The following NEBL variants were observed in gnomAD, a reference collection of about 807,000 sequenced individuals.
The protein encoded by NEBL is nebulette.
NEBL carries 122 observed loss-of-function variants against 140.2 expected under a neutral mutation model. That is an observed-to-expected ratio of 0.87 (90% confidence interval 0.75 to 1.01). The LOEUF is 1.01. NEBL is among the 50% of genes least tolerant of loss of function. NEBL has a pLI of 0.00. For missense variants in NEBL, 1,365 were observed against 1,231.3 expected, an observed-to-expected ratio of 1.11 and a Z score of -1.62; for synonymous variants, 436 against 398.9, an observed-to-expected ratio of 1.09 and a Z score of -1.11.
chr10:21,048,073 G>A (rs1221365598), intron 2 of NEBL, among the ~76,000 whole-genome samples: 1 of 152,152 alleles, frequency 6.6e-6, no homozygotes, highest in Non-Finnish European at 1.5e-5. Context: ...AAAGTGAGCG[G>A]TTCTCCAAGA....
At chr10:20,908,931 A>C (rs1848213118) in intron 4 of NEBL, among the ~76,000 whole-genome samples, 1 of 152,126 alleles carries the variant, frequency 6.6e-6, no homozygotes, top group African/African-American at 2.4e-5. Flanking sequence ...TTTCAAACTT[A>C]TTTGTGCTAC....
chr10:21,170,510 G>A (rs893898238), intron 2 of NEBL: 1 of 152,178 alleles, frequency 6.6e-6, no homozygotes, highest in Non-Finnish European at 1.5e-5. Context: ...TCTTTAACCA[G>A]TCATTTATGG....
chr10:20,849,936 TAA>T (rs1206083072), intron 11 of NEBL, among the ~76,000 whole-genome samples: 2 of 152,006 alleles, frequency 1.3e-5, no homozygotes, highest in Non-Finnish European at 2.9e-5. Context: ...CTGACATATA[TAA>T]GACTCTTAGC....
intron 3 of NEBL, among the ~76,000 whole-genome samples, chr10:21,206,615 A>C (rs151222476): frequency 6.6e-6 from 1 of 152,188 alleles, no homozygotes; most frequent in Non-Finnish European, 1.5e-5. Flanking sequence ...CAGCAGAGAA[A>C]AAGTTTTGTA....
rs570508206 is a variant in NEBL, at chr10:21,087,613, G to T, written c.165-67412C>A. 2.6e-5 allele frequency among the ~76,000 whole-genome samples: 4 copies of T among 152,286 alleles called. No homozygotes were observed. In the East Asian group the frequency reaches 7.7e-4, roughly 29 times the overall value. On this transcript the variant is annotated intron_variant, in intron 2 of 6. Transcript: ENST00000417816. Reference sequence around the variant, plus strand: ...ATAACTAAGCTTATTAAACTCATGTGACTAAAATGAAATAGTATCTGAATT... The same window carrying T: ...ATAACTAAGCTTATTAAACTCATGTTACTAAAATGAAATAGTATCTGAATT...
At chr10:21,164,321 G>A (rs7076273) in intron 2 of NEBL, among the ~76,000 whole-genome samples, 3,417 of 152,218 alleles carry the variant, frequency 0.022, 118 homozygotes, top group East Asian at 0.12. Flanking sequence ...AGCCCTCGAG[G>A]ACAAGGGTGT....
chr10:20,948,025 T>C (rs146067076), intron 4 of NEBL, among the ~76,000 whole-genome samples: 1,633 of 152,332 alleles, frequency 0.011, 22 homozygotes, highest in African/African-American at 0.029. Context: ...AGAAAGTTGA[T>C]GGATTTGTGC....
At chr10:20,979,276 C>A (rs1836935108) in intron 3 of NEBL, among the ~76,000 whole-genome samples, 1 of 150,822 alleles carries the variant, frequency 6.6e-6, no homozygotes, top group African/African-American at 2.4e-5. Flanking sequence ...TGATAATACA[C>A]ATATAAGATT....
At chr10:21,066,507 A>C (rs1157913271) in intron 2 of NEBL, among the ~76,000 whole-genome samples, 1 of 152,270 alleles carries the variant, frequency 6.6e-6, no homozygotes, top group African/African-American at 2.4e-5. Context: ...GAAATGATAC[A>C]CACCTTCTTT....
chr10:21,095,106 A>C (rs935430083), intron 2 of NEBL, among the ~76,000 whole-genome samples: 8 of 152,170 alleles, frequency 5.3e-5, no homozygotes, highest in Non-Finnish European at 1.2e-4. Context: ...TTCACATTCC[A>C]AGGCCTCATC....
At chr10:21,228,083 G>A (rs1199888979) in intron 3 of NEBL, among the ~76,000 whole-genome samples, 1 of 151,602 alleles carries the variant, frequency 6.6e-6, no homozygotes, top group Non-Finnish European at 1.5e-5. Context: ...CTTACTTGAA[G>A]TTCAAAAAAG....
At chr10:21,179,892 C>A (rs140751319), upstream of NEBL, among the ~76,000 whole-genome samples, 1 of 152,132 alleles carries the variant, frequency 6.6e-6, no homozygotes, top group African/African-American at 2.4e-5. Flanking sequence ...AATTGCAGCA[C>A]TTTGGGAGGC....
chr10:20,921,533 T>C (rs1833576453), intron 4 of NEBL, among the ~76,000 whole-genome samples: 1 of 152,192 alleles, frequency 6.6e-6, no homozygotes. Flanking sequence ...AGTCTCCCTC[T>C]GGCAGCATCC....
chr10:21,084,314 G>T (rs958910677), intron 2 of NEBL, among the ~76,000 whole-genome samples: 1 of 152,218 alleles, frequency 6.6e-6, no homozygotes, highest in Non-Finnish European at 1.5e-5. Context: ...TGTATGGCTT[G>T]CCTCCTCAGT....
chr10:21,128,515 TAA>T (rs1400049760), intron 2 of NEBL, among the ~76,000 whole-genome samples: 1 of 152,046 alleles, frequency 6.6e-6, no homozygotes, highest in East Asian at 1.9e-4. Flanking sequence ...AAATTTAATC[TAA>T]AGAGATAACA....
rs78753056 is a variant in NEBL, at chr10:21,124,690, T to C, written c.164+47693A>G. On this transcript the variant is annotated intron_variant, in intron 2 of 6. Transcript: ENST00000417816. ...AAACAAGGCCGAGCATAGTGGGTCA[T>C]AGCTGGAATCGCAGCACTTTGGGAG... 2.2e-3 allele frequency among the ~76,000 whole-genome samples: 331 copies of C among 152,358 alleles called. 14 individuals carry two copies. In the East Asian group the frequency reaches 0.056, roughly 26 times the overall value.
chr10:20,954,154 GA>G (rs967216385), intron 4 of NEBL, among the ~76,000 whole-genome samples: 3 of 151,662 alleles, frequency 2.0e-5, no homozygotes, highest in Admixed American at 2.0e-4. Flanking sequence ...TGACACAATA[GA>G]AAAAAAATCT....
At chr10:20,808,837 A>T (rs1246742896) in intron 25 of NEBL, among the ~76,000 whole-genome samples, 178 bp from the exon 26 acceptor site, 1 of 152,178 alleles carries the variant, frequency 6.6e-6, no homozygotes, top group Admixed American at 6.5e-5. Flanking sequence ...CAACTACATG[A>T]ATAACTTAAC....
chr10:20,977,629 T>A (rs1489202251), intron 3 of NEBL, among the ~76,000 whole-genome samples: 1 of 151,978 alleles, frequency 6.6e-6, no homozygotes, highest in Non-Finnish European at 1.5e-5. Context: ...GGTACTCAAA[T>A]CCTTCTGCCA....
Sources: gnomAD v4.1 joint callset for allele counts (sites outside exome capture counted in the v4.1 genomes callset) on GRCh38, gnomAD v4.1.1 for gene constraint, MANE v1.5 for transcripts, NCBI Gene and HGNC (gene_info 2026-07-23, HGNC 2026-07-21) for gene names.